TXLNB: variants seen among roughly 807,000 people sequenced by gnomAD.
TXLNB encodes the protein beta-taxilin.
TXLNB carries 37 observed loss-of-function variants against 57.4 expected under a neutral mutation model. The ratio of observed to expected loss-of-function variants is 0.64; its 90% confidence interval spans 0.50 to 0.85. The LOEUF (loss-of-function observed/expected upper bound fraction) is 0.85. Among genes scored for constraint, TXLNB ranks in the 40% least tolerant of loss-of-function variants. TXLNB has a pLI of 0.00. For missense variants in TXLNB, 848 were observed against 825.6 expected, an observed-to-expected ratio of 1.03 and a Z score of -0.33; for synonymous variants, 302 against 309.6, an observed-to-expected ratio of 0.98 and a Z score of 0.26.
the TXLNB span, among the ~76,000 whole-genome samples, chr6:139,211,394 C>T: frequency 2.0e-5 from 3 of 152,182 alleles, no homozygotes; most frequent in Non-Finnish European, 4.4e-5. Context: ...TTCCAGTAAA[C>T]TCCAACAGAC....
chr6:139,200,344 G>C, the TXLNB span, among the ~76,000 whole-genome samples: 1 of 152,126 alleles, frequency 6.6e-6, no homozygotes, highest in South Asian at 2.1e-4. Context: ...TATATTTTAA[G>C]AGGGACATTT....
At chr6:139,247,695 A>C in intron 8 of TXLNB, 122 bp downstream of exon 8, 1 of 631,354 alleles carries the variant, frequency 1.6e-6, no homozygotes, top group South Asian at 2.3e-5. Context: ...TCCTACCTAT[A>C]AACATTTCAT....
At chr6:139,185,072 G>T in the TXLNB span, among the ~76,000 whole-genome samples, 19 of 152,228 alleles carry the variant, frequency 1.2e-4, no homozygotes, top group African/African-American at 4.3e-4. Flanking sequence ...GGGAAGTAAA[G>T]CCGGGTGAAG....
rs531333903 is a variant in TXLNB at position 139,275,273 on chromosome 6, C to T, written c.516+1557G>A. On this transcript the variant is annotated intron_variant, in intron 3 of 9. Coordinates refer to ENST00000358430, the MANE Select transcript of TXLNB (RefSeq NM_153235.4). ...ATTCAAATTATTGAATCAGTAGATACAGCCACTTAATGGAATATGACACAA... is the reference window on the plus strand; with the variant it reads ...ATTCAAATTATTGAATCAGTAGATATAGCCACTTAATGGAATATGACACAA... 4.6e-5 allele frequency among the ~76,000 whole-genome samples: 7 copies of T among 152,278 alleles called. No individual in the cohort carries two copies. The South Asian group carries it at 1.4e-3, about 32-fold the overall frequency.
At chr6:139,187,160 C>T in the TXLNB span, among the ~76,000 whole-genome samples, 9 of 152,276 alleles carry the variant, frequency 5.9e-5, no homozygotes, top group East Asian at 1.9e-4. Flanking sequence ...TCTTCTCCCC[C>T]CTGCACCTCC....
chr6:139,215,994 G>T, the TXLNB span, among the ~76,000 whole-genome samples: 54 of 152,010 alleles, frequency 3.6e-4, 1 homozygote, highest in Admixed American at 1.7e-3. Flanking sequence ...GAGAGGATGT[G>T]GAGAAATAGG....
At chr6:139,288,267 G>A (rs1479398329) in intron 2 of TXLNB, among the ~76,000 whole-genome samples, 1 of 152,138 alleles carries the variant, frequency 6.6e-6, no homozygotes, top group Non-Finnish European at 1.5e-5. Context: ...AGGAGGCCAC[G>A]GAACAAAGGG....
the TXLNB span, among the ~76,000 whole-genome samples, chr6:139,216,682 G>A: frequency 6.6e-6 from 1 of 152,114 alleles, no homozygotes; most frequent in African/African-American, 2.4e-5. Flanking sequence ...ATACTACTCA[G>A]CCATAAAATG....
At chr6:139,190,174 CT>C in the TXLNB span, among the ~76,000 whole-genome samples, 1 of 152,166 alleles carries the variant, frequency 6.6e-6, no homozygotes, top group Non-Finnish European at 1.5e-5. Context: ...GTTCAGGCTG[CT>C]ATAACAATAC....
chr6:139,237,800 A>T (rs1775853680), downstream of TXLNB, among the ~76,000 whole-genome samples: 1 of 152,158 alleles, frequency 6.6e-6, no homozygotes, highest in African/African-American at 2.4e-5. Context: ...CTTAAAAAAA[A>T]GTCAAAGTGG....
At chr6:139,206,548 T>G in the TXLNB span, among the ~76,000 whole-genome samples, 1 of 151,920 alleles carries the variant, frequency 6.6e-6, no homozygotes, top group East Asian at 1.9e-4. Flanking sequence ...TGTGCCTGTA[T>G]TCCCAGCTAC....
chr6:139,217,088 G>C, the TXLNB span, among the ~76,000 whole-genome samples: 4,221 of 152,252 alleles, frequency 0.028, 150 homozygotes, highest in African/African-American at 0.083. Context: ...CAGGTATTTT[G>C]GCGAGAATGA....
downstream of TXLNB, among the ~76,000 whole-genome samples, chr6:139,238,802 A>G (rs900229688): frequency 1.1e-4 from 17 of 152,188 alleles, no homozygotes; most frequent in African/African-American, 4.1e-4. Context: ...CGGAGGCCAG[A>G]GTCCTTATTT....
At chr6:139,174,639 T>C in the TXLNB span, 1 of 1,507,890 alleles carries the variant, frequency 6.6e-7, no homozygotes, top group Non-Finnish European at 8.9e-7. Context: ...AGAAATTCAG[T>C]CCAGCAATGA....
At chr6:139,200,689 T>C in the TXLNB span, among the ~76,000 whole-genome samples, 1 of 152,136 alleles carries the variant, frequency 6.6e-6, no homozygotes, top group Non-Finnish European at 1.5e-5. Context: ...GTGGGATGTC[T>C]CCATTAGGTT....
the TXLNB span, among the ~76,000 whole-genome samples, chr6:139,212,740 C>T: frequency 6.6e-6 from 1 of 152,050 alleles, no homozygotes; most frequent in African/African-American, 2.4e-5. Flanking sequence ...ACCCATCTCA[C>T]ATGCAGAGAC....
the TXLNB span, among the ~76,000 whole-genome samples, chr6:139,214,726 C>T: frequency 6.6e-6 from 1 of 151,902 alleles, no homozygotes; most frequent in Non-Finnish European, 1.5e-5. Context: ...ATATCTAGAA[C>T]CCCATCATCT....
chr6:139,233,380 TATATAA>T, the TXLNB span, among the ~76,000 whole-genome samples: 10 of 2,470 alleles, frequency 4.0e-3, no homozygotes, highest in African/African-American at 1.3e-3. Flanking sequence ...AATTTATATA[TATATAA>T]ATAAATATAT....
intron 8 of TXLNB, among the ~76,000 whole-genome samples, chr6:139,245,000 G>T (rs902688853): frequency 1.3e-5 from 2 of 152,198 alleles, no homozygotes; most frequent in African/African-American, 4.8e-5. Flanking sequence ...CCATGAACAA[G>T]CCTGTAATTT....
Sources: gnomAD v4.1 joint callset for allele counts (sites outside exome capture counted in the v4.1 genomes callset) on GRCh38, gnomAD v4.1.1 for gene constraint, MANE v1.5 for transcripts, NCBI Gene and HGNC (gene_info 2026-07-23, HGNC 2026-07-21) for gene names.